CCDC191: variants seen among roughly 807,000 people sequenced by gnomAD.
CCDC191 encodes the protein coiled-coil domain-containing protein 191.
In CCDC191, 99 loss-of-function variants were observed where a neutral mutation model predicts 114.0. The ratio of observed to expected loss-of-function variants is 0.87; its 90% CI spans 0.74 to 1.03. CCDC191 has a LOEUF of 1.03. CCDC191 is among the 50% of genes least tolerant of loss of function. The pLI is 0.00. For synonymous variants in CCDC191, 351 were observed against 376.0 expected, an observed-to-expected ratio of 0.93 and a Z score of 0.77; for missense variants, 973 against 1,087.0, an observed-to-expected ratio of 0.90 and a Z score of 1.47.
rs571164064 is a variant in CCDC191 at position 114,035,837 on chromosome 3, C to T, written c.595-689G>A. ...GACAATGACTATATAGCTTATTGAACGTTCTCTCCTCTCTTTTGTCATAAA... is the reference window on the plus strand; with the variant it reads ...GACAATGACTATATAGCTTATTGAATGTTCTCTCCTCTCTTTTGTCATAAA... On this transcript the variant is annotated intron_variant, in intron 5 of 16. Coordinates refer to ENST00000295878, the MANE Select transcript of CCDC191 (RefSeq NM_020817.2). Among the ~76,000 whole-genome samples the T allele has an allele frequency of 3.9e-5, 6 of 152,210 alleles. No individual in the cohort carries two copies. The South Asian group carries it at 8.3e-4, about 21-fold the overall frequency.
At chr3:114,030,721 A>G (rs2076393050) in intron 7 of CCDC191, among the ~76,000 whole-genome samples, 1 of 152,206 alleles carries the variant, frequency 6.6e-6, no homozygotes, top group South Asian at 2.1e-4. Flanking sequence ...TGTTATCCGT[A>G]TGATATTCAA....
rs536491930 is a variant in CCDC191, at chr3:114,018,583, T to C, written c.1163+95A>G. The C allele has an allele frequency of 2.7e-4, 262 of 968,766 alleles. 1 individual carries two copies. The highest frequency in any genetic ancestry group is 1.6e-3 in the Admixed American group (63 of 40,452). 60.0% of individuals were successfully genotyped at this position (968,766 alleles called of 1,614,324 possible). On this transcript the variant is annotated intron_variant, in intron 8 of 16. Transcript: ENST00000295878. ...CATATTTCATAAGTGGTTAAGATTATTCTAGTTGGCATGTGTAAAGTTTAT... is the reference window on the plus strand; with the variant it reads ...CATATTTCATAAGTGGTTAAGATTACTCTAGTTGGCATGTGTAAAGTTTAT...
chr3:113,987,791 C>T (rs550474808), intron 13 of CCDC191, among the ~76,000 whole-genome samples: 3 of 152,284 alleles, frequency 2.0e-5, no homozygotes, highest in East Asian at 1.9e-4. Flanking sequence ...CGCCTGTAAT[C>T]CCAGCACTTT....
chr3:113,999,681 T>C (rs752116061), intron 13 of CCDC191, among the ~76,000 whole-genome samples: 3 of 152,162 alleles, frequency 2.0e-5, no homozygotes, highest in African/African-American at 7.2e-5. Context: ...TATTTATAAA[T>C]ACCAGTTACG....
intron 16 of CCDC191, among the ~76,000 whole-genome samples, chr3:113,977,264 G>A (rs1035947499): frequency 6.6e-6 from 1 of 151,996 alleles, no homozygotes; most frequent in African/African-American, 2.4e-5. Flanking sequence ...ACTTCAGCCC[G>A]GGCAACAGAG....
chr3:113,998,506 A>G (rs2075783104), intron 13 of CCDC191, among the ~76,000 whole-genome samples: 1 of 152,050 alleles, frequency 6.6e-6, no homozygotes, highest in African/African-American at 2.4e-5. Context: ...AGATCGCCCA[A>G]TGGGCTCATA....
intron 2 of CCDC191, among the ~76,000 whole-genome samples, chr3:114,049,562 T>C (rs2076674618): frequency 6.6e-6 from 1 of 152,160 alleles, no homozygotes; most frequent in South Asian, 2.1e-4. Context: ...TGAGTTGGAA[T>C]TTGTACAGGT....
At position 114,033,086 on chromosome 3, in the gene CCDC191, CTT is replaced by C. The variant is rs79462907; in HGVS notation, c.819-1309_819-1308del. On this transcript the variant is annotated intron_variant, in intron 6 of 16. Coordinates refer to ENST00000295878, the MANE Select transcript of CCDC191 (RefSeq NM_020817.2). ...AGAAGTATAAAAGTCATCCATATTT[CTT>C]TTTTTTTTTTTTATTTTCTGTTTGC... is the stretch of plus-strand genomic sequence containing the variant. 1.5e-3 allele frequency among the ~76,000 whole-genome samples: 213 copies of C among 144,286 alleles called. 2 individuals are homozygous for C. Among genetic ancestry groups the C allele is most frequent in the African/African-American group, 4.8e-3 (191 of 39,862 alleles). The allele number at this position is 144,286 out of a possible 152,430, so 94.7% of individuals were successfully genotyped here. A position where few individuals can be genotyped will look rare whatever the true frequency, so the allele number is the denominator to read the frequency against.
Position 114,004,687 on chromosome 3 carries a change from C to A in CCDC191, c.1928G>T (p.Gly643Val). The A allele has an allele frequency of 6.2e-7, 1 of 1,612,488 alleles. No individual in the cohort carries two copies. Among genetic ancestry groups the A allele is most frequent in the South Asian group, 1.1e-5 (1 of 90,982 alleles). ...GRSDSRNSLS[G>V]LRRKPKQLMT... ...CAATTGCTTTGGTTTCCTTCTGAGTCCAGAAAGAGAATTTCGGGAGTCACT... is the reference window on the plus strand; with the variant it reads ...CAATTGCTTTGGTTTCCTTCTGAGTACAGAAAGAGAATTTCGGGAGTCACT... The change falls in exon 11 of 17, where the codon GGA becomes GTA. Residue 643 changes from glycine (G) to valine (V), a missense_variant. Physicochemically the swap from Gly to Val is moderately radical, Grantham distance 109. Coordinates refer to ENST00000295878, the MANE Select transcript of CCDC191 (RefSeq NM_020817.2).
At chr3:114,052,530 A>G (rs1371989179) in intron 2 of CCDC191, among the ~76,000 whole-genome samples, 1 of 152,198 alleles carries the variant, frequency 6.6e-6, no homozygotes. Context: ...GGCTTTCTGC[A>G]GTAGCCAGGA....
At chr3:114,014,293 T>G (rs2076121858) in intron 8 of CCDC191, among the ~76,000 whole-genome samples, 1 of 152,146 alleles carries the variant, frequency 6.6e-6, no homozygotes, top group Non-Finnish European at 1.5e-5. Flanking sequence ...TTTTAAAGTT[T>G]TAAAGCGAGC....
chr3:114,049,681 G>A (rs765494403), intron 2 of CCDC191, among the ~76,000 whole-genome samples: 17 of 152,164 alleles, frequency 1.1e-4, no homozygotes, highest in Non-Finnish European at 2.1e-4. Flanking sequence ...TGTTTGCTTG[G>A]CTTTAACAAG....
Position 114,005,829 on chromosome 3 carries a change from C to G in CCDC191, c.1547G>C (p.Gly516Ala). ...SLQNVSLSAP[G>A]NKQHKTLGAE... ...ACCCAGGGTCTTGTGCTGCTTATTG[C>G]CAGGTGCACTCAGAGAGACATTCTG... The change falls in exon 10 of 17, where the codon GGC becomes GCC. Residue 516 changes from glycine (G) to alanine (A), a missense_variant. By Grantham distance (60) the Gly-to-Ala change is moderately conservative. Coordinates refer to ENST00000295878, the MANE Select transcript of CCDC191 (RefSeq NM_020817.2). 1 of 1,613,968 alleles carries G rather than the reference C, an allele frequency of 6.2e-7. No individual in the cohort carries two copies. The highest frequency in any genetic ancestry group is 1.7e-5 in the Admixed American group (1 of 59,980).
upstream of CCDC191, chr3:114,056,565 G>C (rs756165200): frequency 6.2e-7 from 1 of 1,603,088 alleles, no homozygotes; most frequent in African/African-American, 1.3e-5. Context: ...TCCTCCGCCC[G>C]CAAGGAAAGC....
At chr3:113,974,308 C>T (rs1045347390) in intron 16 of CCDC191, among the ~76,000 whole-genome samples, 2 of 150,562 alleles carry the variant, frequency 1.3e-5, no homozygotes, top group African/African-American at 2.5e-5. Context: ...TCATGGTTCC[C>T]CATTTGCTGT....
At chr3:114,042,944 A>G (rs2076582836) in intron 3 of CCDC191, 98 bp from the exon 4 acceptor site, 2 of 1,157,478 alleles carry the variant, frequency 1.7e-6, no homozygotes, top group Non-Finnish European at 2.5e-6. Flanking sequence ...TTGAGTACCT[A>G]TCGTGTCAAG....
Position 114,005,586 on chromosome 3 carries a change from A to C in CCDC191, c.1790T>G (p.Leu597Ter). 6.2e-7 allele frequency: 1 copy of C among 1,614,080 alleles called. No individual in the cohort carries two copies. Among genetic ancestry groups the C allele is most frequent in the East Asian group, 2.2e-5 (1 of 44,878 alleles). Residue 597 changes from leucine (L) to a stop codon, truncating the protein, a stop_gained, in exon 10 of 17, where the codon TTA (leucine) becomes TGA (stop). Coordinates refer to ENST00000295878, the MANE Select transcript of CCDC191 (RefSeq NM_020817.2). LOFTEE classifies it high-confidence loss of function. Reference sequence around the variant, plus strand: ...GTGGCTCTGTGCTTCTGTGACTGCTAAGGCATGCTCTGCTGCCCACTGAGC... The same window carrying C: ...GTGGCTCTGTGCTTCTGTGACTGCTCAGGCATGCTCTGCTGCCCACTGAGC... ...AEAQWAAEHA[L>*]AVTEAQSHLL...
At chr3:114,055,547 A>ATACATC (rs1165199002) in intron 1 of CCDC191, among the ~76,000 whole-genome samples, 3 of 152,246 alleles carry the variant, frequency 2.0e-5, no homozygotes, top group Admixed American at 6.5e-5. Context: ...AAAAGGCCAC[A>ATACATC]TACATCTACA....
Position 114,001,706 on chromosome 3 carries a change from A to G in CCDC191, c.2062-10T>C. On this transcript the variant is annotated splice_polypyrimidine_tract_variant and intron_variant, in intron 12 of 16. Coordinates refer to ENST00000295878, the MANE Select transcript of CCDC191 (RefSeq NM_020817.2). Reference sequence around the variant, plus strand: ...GGGCCTTTAACTGGGCCTGATTGAGATTAGAACCCAGAAATATCAGAACCC... The same window carrying G: ...GGGCCTTTAACTGGGCCTGATTGAGGTTAGAACCCAGAAATATCAGAACCC... 6.2e-7 allele frequency: 1 copy of G among 1,613,174 alleles called. No homozygotes were observed. Among genetic ancestry groups the G allele is most frequent in the South Asian group, 1.1e-5 (1 of 90,978 alleles).
Sources: allele counts gnomAD v4.1 joint callset (sites outside exome capture counted in the v4.1 genomes callset), GRCh38; gene constraint gnomAD v4.1.1; transcripts MANE v1.5; gene names NCBI Gene and HGNC (gene_info 2026-07-23, HGNC 2026-07-21).